The following PTPRO variants were observed in gnomAD, a reference collection of about 807,000 sequenced individuals.
The protein encoded by PTPRO is protein tyrosine phosphatase receptor type O.
In PTPRO, 62 loss-of-function variants were observed where a neutral mutation model predicts 145.2. The observed-to-expected ratio is 0.43, with a 90% CI of 0.35 to 0.53. The LOEUF (loss-of-function observed/expected upper bound fraction) is 0.53. Ranked by LOEUF, PTPRO falls within the 20% of genes least tolerant of loss-of-function variation. PTPRO has a pLI of 0.01. For missense variants in PTPRO, 1,345 were observed against 1,482.7 expected (o/e 0.91, Z 1.53); for synonymous variants, 565 against 514.7 (o/e 1.10, Z -1.32).
chr12:15,352,664 AAAAAG>A (rs1396564530), intron 1 of PTPRO, among the ~76,000 whole-genome samples: 21 of 93,962 alleles, frequency 2.2e-4, no homozygotes, highest in African/African-American at 5.5e-4. Context: ...AAAAAAAAAA[AAAAAG>A]AAAGAAAGAA....
intron 1 of PTPRO, among the ~76,000 whole-genome samples, chr12:15,377,366 A>T (rs1938719433): frequency 6.6e-6 from 1 of 152,028 alleles, no homozygotes; most frequent in Admixed American, 6.6e-5. Flanking sequence ...TAAAAAGGCA[A>T]ATGATGTCAG....
intron 17 of PTPRO, among the ~76,000 whole-genome samples, chr12:15,560,589 C>T (rs73313531): frequency 0.043 from 6,537 of 152,050 alleles, 454 homozygotes; most frequent in African/African-American, 0.14. Flanking sequence ...CCATTATCAT[C>T]TTCATCCATT....
intron 1 of PTPRO, among the ~76,000 whole-genome samples, chr12:15,332,378 A>T (rs1015765926): frequency 1.3e-5 from 2 of 152,228 alleles, no homozygotes; most frequent in Non-Finnish European, 2.9e-5. Context: ...GAAAGCAATC[A>T]TCCCAACTTT....
chr12:15,348,199 T>C (rs971878679), intron 1 of PTPRO: 1 of 152,138 alleles, frequency 6.6e-6, no homozygotes, highest in African/African-American at 2.4e-5. Flanking sequence ...AATCACCTAG[T>C]TCCTTAAAAC....
chr12:15,382,454 C>T (rs1938892477), intron 1 of PTPRO, among the ~76,000 whole-genome samples: 1 of 152,154 alleles, frequency 6.6e-6, no homozygotes, highest in South Asian at 2.1e-4. Flanking sequence ...CAGGGAGGCC[C>T]TGGAACAGGA....
intron 1 of PTPRO, among the ~76,000 whole-genome samples, chr12:15,366,591 A>G (rs1213700445): frequency 1.3e-5 from 2 of 152,196 alleles, no homozygotes; most frequent in African/African-American, 4.8e-5. Flanking sequence ...ATATTGTTAA[A>G]AAGAAATGGG....
chr12:15,455,204 C>T (rs1236690918), intron 1 of PTPRO, among the ~76,000 whole-genome samples: 2 of 152,084 alleles, frequency 1.3e-5, no homozygotes, highest in Non-Finnish European at 2.9e-5. Flanking sequence ...TCACTGCCAC[C>T]ATTATACCAC....
intron 1 of PTPRO, among the ~76,000 whole-genome samples, chr12:15,424,050 C>G (rs771369553): frequency 3.3e-5 from 5 of 152,218 alleles, no homozygotes; most frequent in Non-Finnish European, 5.9e-5. Flanking sequence ...GCATCCCTGA[C>G]TTTGCTGGAC....
At chr12:15,507,861 C>T (rs1473525404) in intron 6 of PTPRO, among the ~76,000 whole-genome samples, 2 of 152,186 alleles carry the variant, frequency 1.3e-5, no homozygotes, top group African/African-American at 4.8e-5. Flanking sequence ...TTCACATTTG[C>T]ATTTCAGCAG....
Position 15,580,705 on chromosome 12 carries a change from C to T in PTPRO, c.3006C>T (p.Asn1002=), listed in dbSNP as rs774529238. 1 of 1,614,058 alleles carries T rather than the reference C, an allele frequency of 6.2e-7. No homozygotes were observed. The highest frequency in any genetic ancestry group is 8.5e-7 in the Non-Finnish European group (1 of 1,179,974). Residue 1002 remains asparagine (N), a synonymous_variant, in exon 22 of 27, where the codon AAC becomes AAT. Coordinates refer to ENST00000281171, the MANE Select transcript of PTPRO (RefSeq NM_030667.3). Reference sequence around the variant, plus strand: ...TGTCACTTATCTTTCAGGGATACAACTCACCCCAGGAGTATATTGCCACCC... The same window carrying T: ...TGTCACTTATCTTTCAGGGATACAATTCACCCCAGGAGTATATTGCCACCC... ...YINANYIPGY[N]SPQEYIATQG...
At chr12:15,507,600 G>T (rs192674018) in intron 6 of PTPRO, among the ~76,000 whole-genome samples, 1 of 152,106 alleles carries the variant, frequency 6.6e-6, no homozygotes, top group South Asian at 2.1e-4. Flanking sequence ...AGAGAACTAC[G>T]GTAGCATCCT....
At chr12:15,415,994 G>A (rs955705076) in intron 1 of PTPRO, among the ~76,000 whole-genome samples, 2 of 151,656 alleles carry the variant, frequency 1.3e-5, no homozygotes, top group African/African-American at 2.4e-5. Context: ...TTTAAATTCA[G>A]GGGTTAGATA....
chr12:15,438,754 G>GA (rs937460082), intron 1 of PTPRO, among the ~76,000 whole-genome samples: 1 of 151,806 alleles, frequency 6.6e-6, no homozygotes, highest in Admixed American at 6.6e-5. Flanking sequence ...GAGAGAGAAG[G>GA]AAAAAAACAA....
intron 12 of PTPRO, among the ~76,000 whole-genome samples, chr12:15,529,425 G>C (rs572722618): frequency 1.4e-4 from 21 of 151,194 alleles, no homozygotes; most frequent in African/African-American, 4.4e-4. Flanking sequence ...GGTCAAGGTT[G>C]GTGAATCGCT....
chr12:15,522,096 A>G (rs1380656157), intron 10 of PTPRO, among the ~76,000 whole-genome samples: 1 of 152,148 alleles, frequency 6.6e-6, no homozygotes, highest in Non-Finnish European at 1.5e-5. Flanking sequence ...TAAAATGGGT[A>G]TAATAATAAT....
intron 6 of PTPRO, among the ~76,000 whole-genome samples, chr12:15,505,710 T>A (rs1942307747): frequency 6.6e-6 from 1 of 152,184 alleles, no homozygotes; most frequent in African/African-American, 2.4e-5. Flanking sequence ...TGAGCAAAAA[T>A]TAGGGTGGCT....
intron 1 of PTPRO, among the ~76,000 whole-genome samples, chr12:15,349,709 C>A (rs1937727495): frequency 6.6e-6 from 1 of 152,152 alleles, no homozygotes. Context: ...AGGATTCAAA[C>A]CCAGTTGTTA....
chr12:15,426,684 C>T (rs1447388283), intron 1 of PTPRO, among the ~76,000 whole-genome samples: 2 of 152,018 alleles, frequency 1.3e-5, no homozygotes. Flanking sequence ...GTGCTACCTT[C>T]CTTGGTTTTA....
At position 15,502,223 on chromosome 12, in the gene PTPRO, T is replaced by G. The variant is rs73060914; in HGVS notation, c.1105+160T>G. Among the ~76,000 whole-genome samples, 35,378 of 152,116 alleles carry G rather than the reference T, an allele frequency of 0.23. 4,508 individuals are homozygous for G. Among genetic ancestry groups the G allele is most frequent in the Admixed American group, 0.33 (4,980 of 15,270 alleles). Reference sequence around the variant, plus strand: ...ATTTAATTGAGTATCCAATGCAGACTGAGAGCAGAAAACCCAAATGAATAG... The same window carrying G: ...ATTTAATTGAGTATCCAATGCAGACGGAGAGCAGAAAACCCAAATGAATAG... On this transcript the variant is annotated intron_variant, in intron 5 of 26. Transcript: ENST00000281171.
Sources: gnomAD v4.1 joint callset for allele counts (sites outside exome capture counted in the v4.1 genomes callset) on GRCh38, gnomAD v4.1.1 for gene constraint, MANE v1.5 for transcripts, NCBI Gene and HGNC (gene_info 2026-07-23, HGNC 2026-07-21) for gene names.